The following PLPPR1 variants were observed in gnomAD, a reference collection of about 807,000 sequenced individuals.
PLPPR1 encodes the protein phospholipid phosphatase-related protein type 1.
A neutral mutation model predicts 33.1 loss-of-function variants in PLPPR1; 10 were observed. The ratio of observed to expected loss-of-function variants is 0.30; its 90% CI spans 0.19 to 0.51. The LOEUF is 0.51. PLPPR1 is among the 20% of genes least tolerant of loss of function. PLPPR1 has a pLI of 0.97. For missense variants in PLPPR1, 304 were observed against 408.1 expected, an observed-to-expected ratio of 0.74 and a Z score of 2.20; for synonymous variants, 151 against 151.0, an observed-to-expected ratio of 1.00 and a Z score of 0.00.
Position 101,269,582 on chromosome 9 carries a change from G to A in PLPPR1, c.64-298G>A, listed in dbSNP as rs182817445. Among the ~76,000 whole-genome samples the A allele has an allele frequency of 3.8e-3, 576 of 152,238 alleles. 12 individuals are homozygous for A. Among genetic ancestry groups the A allele is most frequent in the Non-Finnish European group, 9.9e-4 (67 of 68,008 alleles). On this transcript the variant is annotated intron_variant, in intron 2 of 7. Transcript: ENST00000374874. Reference sequence around the variant, plus strand: ...ATGGCTATAGTGCCTTGGTTCCCGTGCATACTCTGAGACTCTGAAAGGGTG... The same window carrying A: ...ATGGCTATAGTGCCTTGGTTCCCGTACATACTCTGAGACTCTGAAAGGGTG...
intron 4 of PLPPR1, among the ~76,000 whole-genome samples, chr9:101,291,841 A>G (rs1828515680): frequency 6.6e-6 from 1 of 152,214 alleles, no homozygotes; most frequent in South Asian, 2.1e-4. Context: ...AAGATGGGGA[A>G]AAAACAGAAC....
chr9:101,191,631 T>C (rs1342475606), intron 2 of PLPPR1, among the ~76,000 whole-genome samples: 1 of 152,208 alleles, frequency 6.6e-6, no homozygotes, highest in Admixed American at 6.5e-5. Flanking sequence ...CTGAGGTCTC[T>C]CATGCCTTCT....
chr9:101,154,173 T>C (rs1831641415), intron 1 of PLPPR1, among the ~76,000 whole-genome samples: 1 of 152,206 alleles, frequency 6.6e-6, no homozygotes, highest in African/African-American at 2.4e-5. Context: ...AAAATTCTCT[T>C]TTTTTGTTGT....
In PLPPR1 at chr9:101,257,651, C is replaced by T. The variant is rs114923826; in HGVS notation, c.64-12229C>T. Among the ~76,000 whole-genome samples, 398 of 152,166 alleles carry T rather than the reference C, an allele frequency of 2.6e-3. 3 individuals carry two copies. Among genetic ancestry groups the T allele is most frequent in the African/African-American group, 9.1e-3 (379 of 41,542 alleles). Reference sequence around the variant, plus strand: ...CACTTCTGGGTTCTTCTTTATAATTCGACAACTAGTGTTCTGTACTAGAAT... The same window carrying T: ...CACTTCTGGGTTCTTCTTTATAATTTGACAACTAGTGTTCTGTACTAGAAT... On this transcript the variant is annotated intron_variant, in intron 2 of 7. Coordinates refer to ENST00000374874, the MANE Select transcript of PLPPR1 (RefSeq NM_207299.2).
intron 3 of PLPPR1, among the ~76,000 whole-genome samples, chr9:101,272,278 A>T (rs1828115612): frequency 6.6e-6 from 1 of 152,248 alleles, no homozygotes; most frequent in Non-Finnish European, 1.5e-5. Context: ...ACAGCTGTGG[A>T]ATAATTTTCC....
chr9:101,237,455 CGT>C (rs57041590), intron 2 of PLPPR1, among the ~76,000 whole-genome samples: 38,710 of 148,356 alleles, frequency 0.26, 9,184 homozygotes, highest in African/African-American at 0.63. Context: ...AAAGAAAGGT[CGT>C]GTGTGTGTGT....
At chr9:101,137,723 A>G (rs1831394599) in intron 1 of PLPPR1, among the ~76,000 whole-genome samples, 2 of 152,228 alleles carry the variant, frequency 1.3e-5, no homozygotes, top group African/African-American at 4.8e-5. Context: ...GAAAATAACT[A>G]GAGGCTAAAA....
At chr9:101,232,384 A>G (rs1827205581) in intron 2 of PLPPR1, among the ~76,000 whole-genome samples, 1 of 151,920 alleles carries the variant, frequency 6.6e-6, no homozygotes, top group African/African-American at 2.4e-5. Flanking sequence ...ACTGGGCATC[A>G]TGACATAAAA....
chr9:101,189,324 G>T (rs148369173), intron 2 of PLPPR1, among the ~76,000 whole-genome samples: 1 of 152,194 alleles, frequency 6.6e-6, no homozygotes. Context: ...AGGAATGTCC[G>T]GTTTGATAAG....
intron 2 of PLPPR1, among the ~76,000 whole-genome samples, chr9:101,234,565 C>A (rs1827257304): frequency 6.6e-6 from 1 of 150,882 alleles, no homozygotes; most frequent in Non-Finnish European, 1.5e-5. Flanking sequence ...AAAAAACAAA[C>A]AAAAATTCTA....
intron 1 of PLPPR1, among the ~76,000 whole-genome samples, chr9:101,059,494 G>A (rs1260997593): frequency 6.6e-6 from 1 of 151,934 alleles, no homozygotes; most frequent in Non-Finnish European, 1.5e-5. Flanking sequence ...TTACATGGAG[G>A]GAATAGGCAT....
At chr9:101,102,013 C>T (rs1201594625) in intron 1 of PLPPR1, among the ~76,000 whole-genome samples, 1 of 149,764 alleles carries the variant, frequency 6.7e-6, no homozygotes, top group African/African-American at 2.5e-5. Flanking sequence ...TTTCACTTAT[C>T]ATGTTTCTAG....
At chr9:101,072,344 A>G (rs983507802) in intron 1 of PLPPR1, among the ~76,000 whole-genome samples, 1 of 152,118 alleles carries the variant, frequency 6.6e-6, no homozygotes, top group African/African-American at 2.4e-5. Flanking sequence ...TTTGGAAAAG[A>G]GAAAGGAAGG....
intron 1 of PLPPR1, among the ~76,000 whole-genome samples, chr9:101,088,783 G>C (rs1424468238): frequency 6.6e-6 from 1 of 152,126 alleles, no homozygotes; most frequent in Non-Finnish European, 1.5e-5. Context: ...TATTTCAGCT[G>C]TCATTTATCT....
At chr9:101,035,095 T>G (rs75434301) in intron 1 of PLPPR1, among the ~76,000 whole-genome samples, 2,100 of 152,260 alleles carry the variant, frequency 0.014, 54 homozygotes, top group African/African-American at 0.048. Flanking sequence ...TTTAGCAGAT[T>G]GTTTTAGGGA....
intron 1 of PLPPR1, among the ~76,000 whole-genome samples, 159 bp downstream of exon 1, chr9:101,029,261 G>C (rs1238475352): frequency 6.6e-6 from 1 of 152,210 alleles, no homozygotes; most frequent in African/African-American, 2.4e-5. Flanking sequence ...GGGCTGTGCA[G>C]AGGAGAGGAC....
chr9:101,077,608 G>T (rs2118501776), intron 1 of PLPPR1, among the ~76,000 whole-genome samples: 1 of 152,304 alleles, frequency 6.6e-6, no homozygotes, highest in South Asian at 2.1e-4. Context: ...GCACCTGTGA[G>T]GGGGTAGGAA....
At chr9:101,079,129 A>G (rs1179217577) in intron 1 of PLPPR1, among the ~76,000 whole-genome samples, 2 of 152,100 alleles carry the variant, frequency 1.3e-5, no homozygotes, top group Non-Finnish European at 2.9e-5. Flanking sequence ...TTTAAAGTAA[A>G]TTTCCTCTCA....
intron 6 of PLPPR1, among the ~76,000 whole-genome samples, chr9:101,313,736 C>T (rs185712827): frequency 7.2e-5 from 11 of 152,232 alleles, no homozygotes; most frequent in East Asian, 3.9e-4. Flanking sequence ...TTCTCTTTCA[C>T]GGTTGTATTG....
Sources: allele counts gnomAD v4.1 joint callset (sites outside exome capture counted in the v4.1 genomes callset), GRCh38; gene constraint gnomAD v4.1.1; transcripts MANE v1.5; gene names NCBI Gene and HGNC (gene_info 2026-07-23, HGNC 2026-07-21).